USP6NL: variants seen among roughly 807,000 people sequenced by gnomAD.
The protein encoded by USP6NL is USP6 N-terminal like.
Under a neutral mutation model 61.9 loss-of-function variants are expected in USP6NL, and 26 were observed. The observed-to-expected ratio is 0.42, with a 90% CI of 0.31 to 0.58. The LOEUF (loss-of-function observed/expected upper bound fraction) is 0.58, where lower values mean the gene tolerates loss of function less well. USP6NL is among the 20% of genes least tolerant of loss of function. The pLI is 0.16. For missense variants in USP6NL, 1,114 were observed against 1,034.3 expected (o/e 1.08, Z -1.06); for synonymous variants, 432 against 390.1 (o/e 1.11, Z -1.27).
chr10:11,492,987 C>T (rs1833764137), intron 8 of USP6NL, 132 bp downstream of exon 8: 1 of 689,670 alleles, frequency 1.4e-6, no homozygotes, highest in Non-Finnish European at 2.3e-6. Flanking sequence ...AACATGGACG[C>T]AAATGATCTG....
chr10:11,595,245 G>C lies in USP6NL; in HGVS notation c.4+2386C>G, dbSNP rs569440718. On this transcript the variant is annotated intron_variant, in intron 2 of 14. Transcript: ENST00000609104. The surrounding 1 kb of genome is among the most constrained non-coding windows in gnomAD (Gnocchi z 5.3). Reference sequence around the variant, plus strand: ...ATCAGACATCTAACAGGAACATAAAGGGTGAGGCACACTGAAGGCACAAGG... The same window carrying C: ...ATCAGACATCTAACAGGAACATAAACGGTGAGGCACACTGAAGGCACAAGG... 1.3e-5 allele frequency among the ~76,000 whole-genome samples: 2 copies of C among 152,242 alleles called. No individual in the cohort carries two copies. The highest frequency in any genetic ancestry group is 3.9e-4 in the East Asian group (2 of 5,186).
rs1838028451 is a variant in USP6NL at position 11,587,825 on chromosome 10, TTTCA to T, written c.4+9802_4+9805del. ...ACGCCATCTCATATTCTAGAAAATA[TTTCA>T]TTGTCAATTTTTTCTCAAGACTTTG... On this transcript the variant is annotated intron_variant, in intron 2 of 14. Coordinates refer to ENST00000609104, the MANE Select transcript of USP6NL (RefSeq NM_014688.5). The surrounding 1 kb of genome is among the most constrained non-coding windows in gnomAD (Gnocchi z 4.5). Among the ~76,000 whole-genome samples, 1 of 152,176 alleles carries T rather than the reference TTTCA, an allele frequency of 6.6e-6. No individual in the cohort carries two copies. Among genetic ancestry groups the T allele is most frequent in the Non-Finnish European group, 1.5e-5 (1 of 68,026 alleles).
At position 11,491,982 on chromosome 10, in the gene USP6NL, T is replaced by C. The variant is rs1160664132; in HGVS notation, c.495-1102A>G. On this transcript the variant is annotated intron_variant, in intron 8 of 14. Transcript: ENST00000609104. The surrounding 1 kb of genome is among the most constrained non-coding windows in gnomAD (Gnocchi z 4.7). ...TTTTTTGTAAATGTGCTTGTATATA[T>C]ACCAACAAATATTTTCTTCTTCCCT... Among the ~76,000 whole-genome samples, 2 of 152,250 alleles carry C rather than the reference T, an allele frequency of 1.3e-5. No homozygotes were observed. Among genetic ancestry groups the C allele is most frequent in the East Asian group, 3.8e-4 (2 of 5,206 alleles).
intron 2 of USP6NL, chr10:11,565,182 G>A (rs1591934061): frequency 6.6e-6 from 1 of 152,166 alleles, no homozygotes; most frequent in African/African-American, 2.4e-5. Context: ...CTTATATTAA[G>A]TGATACTTTT....
chr10:11,561,652 G>A lies in USP6NL; in HGVS notation c.5-34085C>T, dbSNP rs1055128677. Among the ~76,000 whole-genome samples, 7 of 152,262 alleles carry A rather than the reference G, an allele frequency of 4.6e-5. No individual in the cohort carries two copies. In the East Asian group the frequency reaches 1.3e-3, roughly 29 times the overall value. ...TGACAGATAAGTTCTACTGGTTTGG[G>A]TATTGTAAACAATGCTACAGTGAGG... is the stretch of plus-strand genomic sequence containing the variant. On this transcript the variant is annotated intron_variant, in intron 2 of 14. Coordinates refer to ENST00000609104, the MANE Select transcript of USP6NL (RefSeq NM_014688.5). The surrounding 1 kb of genome is among the most constrained non-coding windows in gnomAD (Gnocchi z 4.1).
At chr10:11,498,977 T>C (rs1834060977) in intron 7 of USP6NL, among the ~76,000 whole-genome samples, 1 of 152,220 alleles carries the variant, frequency 6.6e-6, no homozygotes, top group Non-Finnish European at 1.5e-5. Context: ...CTATTCATCT[T>C]CATACGTTCT....
chr10:11,590,178 G>A (rs953933093), intron 2 of USP6NL, among the ~76,000 whole-genome samples: 10 of 152,142 alleles, frequency 6.6e-5, no homozygotes, highest in East Asian at 1.9e-4. Flanking sequence ...TTTCTAACCC[G>A]TAGCTTTAAA....
chr10:11,601,206 T>A (rs979395855), intron 1 of USP6NL, among the ~76,000 whole-genome samples: 7 of 152,100 alleles, frequency 4.6e-5, no homozygotes, highest in Non-Finnish European at 8.8e-5. Flanking sequence ...TCAACAAATA[T>A]CACAAGTATT....
Position 11,596,108 on chromosome 10 carries a change from G to A in USP6NL, c.4+1523C>T, listed in dbSNP as rs940154567. Among the ~76,000 whole-genome samples the A allele has an allele frequency of 1.3e-5, 2 of 152,068 alleles. No homozygotes were observed. The highest frequency in any genetic ancestry group is 2.9e-5 in the Non-Finnish European group (2 of 68,012). On this transcript the variant is annotated intron_variant, in intron 2 of 14. Transcript: ENST00000609104. The surrounding 1 kb of genome is among the most constrained non-coding windows in gnomAD (Gnocchi z 4.1). ...ACATGAAAGGCACAGGCTACCTGCC[G>A]TCAAAAAAACTTACATCTGCAACAC...
At chr10:11,536,703 A>G (rs1835846819) in intron 2 of USP6NL, among the ~76,000 whole-genome samples, 2 of 152,130 alleles carry the variant, frequency 1.3e-5, no homozygotes, top group Admixed American at 1.3e-4. Flanking sequence ...AAGGTTGACA[A>G]TCCAATCCTA....
chr10:11,509,018 CTT>C (rs1326892456), intron 6 of USP6NL, among the ~76,000 whole-genome samples: 1 of 152,190 alleles, frequency 6.6e-6, no homozygotes, highest in African/African-American at 2.4e-5. Context: ...TGTTTAAAGA[CTT>C]TTCTGATGAG....
chr10:11,587,011 T>A lies in USP6NL; in HGVS notation c.4+10620A>T, dbSNP rs1468009395. On this transcript the variant is annotated intron_variant, in intron 2 of 14. Coordinates refer to ENST00000609104, the MANE Select transcript of USP6NL (RefSeq NM_014688.5). This position sits in a 1 kb window ranked among gnomAD's most constrained non-coding sequence, Gnocchi z 4.5. The stretch of plus-strand genomic sequence containing the variant: ...CTGTGAGGACAGATTCCCTTGCTCC[T>A]GCAGGAGCAAGGACTCCCTGGATGT... Among the ~76,000 whole-genome samples, 1 of 152,122 alleles carries A rather than the reference T, an allele frequency of 6.6e-6. No individual in the cohort carries two copies. The highest frequency in any genetic ancestry group is 2.4e-5 in the African/African-American group (1 of 41,420).
rs916333402 is a variant in USP6NL, at chr10:11,462,179, T to A, written c.*262A>T. ...ACATAACCGGAACTGAGTAATAAAT[T>A]ACCACTGTGCGTGCATCCCTAAATG... On this transcript the variant is annotated 3_prime_UTR_variant, in exon 15 of 15. Coordinates refer to ENST00000609104, the MANE Select transcript of USP6NL (RefSeq NM_014688.5). 4.6e-6 allele frequency: 2 copies of A among 432,848 alleles called. No individual in the cohort carries two copies. Among genetic ancestry groups the A allele is most frequent in the Non-Finnish European group, 8.2e-6 (2 of 244,948 alleles). 26.8% of individuals were successfully genotyped at this position (432,848 alleles called of 1,614,324 possible).
chr10:11,547,694 T>C (rs771772587), intron 2 of USP6NL, among the ~76,000 whole-genome samples: 48 of 152,154 alleles, frequency 3.2e-4, no homozygotes, highest in African/African-American at 4.1e-4. Context: ...GCATCCGCCA[T>C]CACGCCCAGC....
At chr10:11,583,580 A>G (rs1837862946) in intron 2 of USP6NL, among the ~76,000 whole-genome samples, 1 of 152,208 alleles carries the variant, frequency 6.6e-6, no homozygotes, top group Non-Finnish European at 1.5e-5. Context: ...AAATGGACAC[A>G]CAAATATGGA....
Position 11,476,236 on chromosome 10 carries a change from T to C in USP6NL, c.1078+5534A>G, listed in dbSNP as rs11257117. 0.11 allele frequency among the ~76,000 whole-genome samples: 16,755 copies of C among 152,194 alleles called. 1,064 individuals are homozygous for C. Among genetic ancestry groups the C allele is most frequent in the South Asian group, 0.19 (935 of 4,820 alleles). ...CCCACATGGAGCTGGCCTGAGATGA[T>C]GCTGAGGAGTCACACTGTAGTCACA... On this transcript the variant is annotated intron_variant, in intron 14 of 14. Transcript: ENST00000609104. This position sits in a 1 kb window ranked among gnomAD's most constrained non-coding sequence, Gnocchi z 4.3.
chr10:11,571,376 G>A (rs951185903), intron 2 of USP6NL, among the ~76,000 whole-genome samples: 6 of 152,018 alleles, frequency 3.9e-5, no homozygotes, highest in Non-Finnish European at 7.4e-5. Context: ...ATAAGCCACC[G>A]CGCCCAGCCC....
At chr10:11,560,734 A>ATATATT (rs1024855335) in intron 2 of USP6NL, among the ~76,000 whole-genome samples, 5 of 144,980 alleles carry the variant, frequency 3.4e-5, no homozygotes, top group African/African-American at 1.2e-4. Flanking sequence ...ATATATATAT[A>ATATATT]TTCAAACAAC....
chr10:11,478,273 C>T lies in USP6NL; in HGVS notation c.1078+3497G>A, dbSNP rs1192502371. 1.2e-4 allele frequency among the ~76,000 whole-genome samples: 19 copies of T among 152,204 alleles called. No individual in the cohort carries two copies. ...AGCAGCGACGTCCACACACCTGAGG[C>T]TGTGGAGAAATGGCAGTTCTGTAGC... is the stretch of plus-strand genomic sequence containing the variant. On this transcript the variant is annotated intron_variant, in intron 14 of 14. Transcript: ENST00000609104. The surrounding 1 kb of genome is among the most constrained non-coding windows in gnomAD (Gnocchi z 6.8).
Sources: allele counts gnomAD v4.1 joint callset (sites outside exome capture counted in the v4.1 genomes callset), GRCh38; gene constraint gnomAD v4.1.1; non-coding constraint Gnocchi (gnomAD v3.1); transcripts MANE v1.5; gene names NCBI Gene and HGNC (gene_info 2026-07-23, HGNC 2026-07-21).